Variants in GRM3 observed in about 807,000 individuals in gnomAD.
The protein encoded by GRM3 is glutamate metabotropic receptor 3.
GRM3 carries 26 observed loss-of-function variants against 70.5 expected under a neutral mutation model. The ratio of observed to expected loss-of-function variants is 0.37; its 90% CI spans 0.27 to 0.51. The LOEUF is 0.51. Ranked by LOEUF, GRM3 falls within the 20% of genes least tolerant of loss-of-function variation. GRM3 has a pLI of 0.93. For missense variants in GRM3, 859 were observed against 1,123.8 expected (o/e 0.76, Z 3.37); for synonymous variants, 443 against 434.9 (o/e 1.02, Z -0.23).
intron 1 of GRM3, among the ~76,000 whole-genome samples, chr7:86,703,106 T>A (rs1356158286): frequency 1.3e-5 from 2 of 151,806 alleles, no homozygotes. Flanking sequence ...TATGTTGGGG[T>A]TTTTTTTCCA....
At position 86,853,202 on chromosome 7, in the gene GRM3, G is replaced by C. The variant is rs2299230; in HGVS notation, c.2566+2658G>C. Among the ~76,000 whole-genome samples the C allele has an allele frequency of 2.6e-5, 4 of 152,244 alleles. No individual in the cohort carries two copies. In the East Asian group the frequency reaches 7.7e-4, roughly 29 times the overall value. Reference sequence around the variant, plus strand: ...AAAAGAAAAAAACAGAAAATCTTAAGAGTGCATTACATGTAATAAAGGTAA... The same window carrying C: ...AAAAGAAAAAAACAGAAAATCTTAACAGTGCATTACATGTAATAAAGGTAA... On this transcript the variant is annotated intron_variant, in intron 5 of 5. Coordinates refer to ENST00000361669, the MANE Select transcript of GRM3 (RefSeq NM_000840.3).
At chr7:86,788,372 C>T (rs1323391108) in intron 3 of GRM3, among the ~76,000 whole-genome samples, 5 of 152,142 alleles carry the variant, frequency 3.3e-5, no homozygotes, top group Non-Finnish European at 7.3e-5. Context: ...GCACAAAAAT[C>T]ACCACACTGC....
chr7:86,703,699 G>C (rs1794994844), intron 1 of GRM3, among the ~76,000 whole-genome samples: 1 of 151,900 alleles, frequency 6.6e-6, no homozygotes, highest in Non-Finnish European at 1.5e-5. Flanking sequence ...GCTCAGCGAA[G>C]TGGAATGATT....
chr7:86,793,897 G>T (rs1029980503), intron 3 of GRM3, among the ~76,000 whole-genome samples: 13 of 151,992 alleles, frequency 8.6e-5, no homozygotes, highest in Non-Finnish European at 1.8e-4. Flanking sequence ...GCAGAAAAAA[G>T]TAATGATCCC....
At chr7:86,713,624 C>T (rs557394889) in intron 1 of GRM3, among the ~76,000 whole-genome samples, 6 of 152,008 alleles carry the variant, frequency 3.9e-5, no homozygotes, top group Admixed American at 3.3e-4. Flanking sequence ...AGCTTGTTTC[C>T]CTGTTCTTGT....
At position 86,644,307 on chromosome 7, in the gene GRM3, T is replaced by A. The variant is rs1584133468; in HGVS notation, c.-706T>A. The stretch of plus-strand genomic sequence containing the variant: ...AGATATACCCTTATAAGAGGGAGGG[T>A]GGGGGAGGGAAAAGAACGAGAGAGG... On this transcript the variant is annotated 5_prime_UTR_variant, in exon 1 of 6. Coordinates refer to ENST00000361669, the MANE Select transcript of GRM3 (RefSeq NM_000840.3). The A allele has an allele frequency of 4.0e-6, 1 of 249,674 alleles. No homozygotes were observed. The highest frequency in any genetic ancestry group is 7.8e-6 in the Non-Finnish European group (1 of 127,482). 15.5% of individuals were successfully genotyped at this position (249,674 alleles called of 1,614,324 possible).
At chr7:86,683,618 A>G (rs931871429) in intron 1 of GRM3, among the ~76,000 whole-genome samples, 2 of 152,178 alleles carry the variant, frequency 1.3e-5, no homozygotes, top group Admixed American at 6.6e-5. Flanking sequence ...TAGCATTGAT[A>G]TCACCGACAC....
chr7:86,818,979 T>G (rs1036676620), intron 3 of GRM3, among the ~76,000 whole-genome samples: 2 of 152,150 alleles, frequency 1.3e-5, no homozygotes, highest in Admixed American at 6.6e-5. Context: ...CAGAGAGGCC[T>G]CATATCTTTT....
chr7:86,655,048 T>A (rs567292367), intron 1 of GRM3, among the ~76,000 whole-genome samples: 1 of 152,284 alleles, frequency 6.6e-6, no homozygotes, highest in African/African-American at 2.4e-5. Flanking sequence ...AATATAAATA[T>A]CACTTAAATG....
chr7:86,702,407 C>T lies in GRM3; in HGVS notation c.-141+57535C>T, dbSNP rs559694927. Among the ~76,000 whole-genome samples the T allele has an allele frequency of 4.6e-5, 7 of 152,064 alleles. No individual in the cohort carries two copies. In the East Asian group the frequency reaches 7.8e-4, roughly 17 times the overall value. On this transcript the variant is annotated intron_variant, in intron 1 of 5. Transcript: ENST00000361669. The stretch of plus-strand genomic sequence containing the variant: ...CAGGCTTTCCTATGTAGCTGCATAT[C>T]CCTGCTAGATGCCCACAACAACCAG...
chr7:86,729,335 A>C (rs2116267719), intron 1 of GRM3, among the ~76,000 whole-genome samples: 1 of 152,344 alleles, frequency 6.6e-6, no homozygotes, highest in East Asian at 1.9e-4. Flanking sequence ...TATCTAATCT[A>C]ACATTCTTAG....
intron 3 of GRM3, among the ~76,000 whole-genome samples, chr7:86,798,132 A>T (rs1195881201): frequency 6.6e-6 from 1 of 152,124 alleles, no homozygotes; most frequent in Non-Finnish European, 1.5e-5. Flanking sequence ...GGCAGTATAG[A>T]AGGAAAAAGT....
intron 3 of GRM3, among the ~76,000 whole-genome samples, chr7:86,808,502 A>G (rs1401337478): frequency 1.3e-5 from 2 of 151,848 alleles, no homozygotes; most frequent in Non-Finnish European, 1.5e-5. Flanking sequence ...TCCCCCACAA[A>G]TAAGCTAGTA....
rs115103614 is a variant in GRM3, at chr7:86,766,000, G to A, written c.468+387G>A. Among the ~76,000 whole-genome samples the A allele has an allele frequency of 4.3e-3, 656 of 152,282 alleles. 7 individuals are homozygous for A. The highest frequency in any genetic ancestry group is 0.015 in the African/African-American group (621 of 41,572). On this transcript the variant is annotated intron_variant, in intron 2 of 5. Coordinates refer to ENST00000361669, the MANE Select transcript of GRM3 (RefSeq NM_000840.3). ...GGAATCGATCATCTAGCCCAGGAAT[G>A]TTCTCTGAGTGATGGCAGAGGTGCA...
At chr7:86,812,120 T>C (rs561962974) in intron 3 of GRM3, among the ~76,000 whole-genome samples, 1 of 151,866 alleles carries the variant, frequency 6.6e-6, no homozygotes, top group Middle Eastern at 3.4e-3. Context: ...GTTTATTAGT[T>C]TGAAATGTTT....
intron 5 of GRM3, 92 bp from the exon 6 acceptor site, chr7:86,864,190 C>T (rs1051281796): frequency 2.7e-6 from 2 of 742,484 alleles, no homozygotes; most frequent in Non-Finnish European, 5.0e-6. Context: ...ACCCTTCCCC[C>T]CGAGTCCCCA....
At chr7:86,838,036 C>T in intron 3 of GRM3, among the ~76,000 whole-genome samples, 1 of 152,228 alleles carries the variant, frequency 6.6e-6, no homozygotes, top group South Asian at 2.1e-4. Flanking sequence ...AGAGCTTCTG[C>T]TCTTAGGGAC....
At chr7:86,690,094 G>A (rs1192760966) in intron 1 of GRM3, among the ~76,000 whole-genome samples, 1 of 152,164 alleles carries the variant, frequency 6.6e-6, no homozygotes, top group Non-Finnish European at 1.5e-5. Context: ...GACAAACAAT[G>A]ACAGGCAAGG....
At chr7:86,856,930 T>C (rs1396575014) in intron 5 of GRM3, among the ~76,000 whole-genome samples, 1 of 152,100 alleles carries the variant, frequency 6.6e-6, no homozygotes, top group East Asian at 1.9e-4. Context: ...TTTATTCTAA[T>C]AACCACATTT....
Sources: gnomAD v4.1 joint callset for allele counts (sites outside exome capture counted in the v4.1 genomes callset) on GRCh38, gnomAD v4.1.1 for gene constraint, MANE v1.5 for transcripts, NCBI Gene and HGNC (gene_info 2026-07-23, HGNC 2026-07-21) for gene names.